VPS9D1: variants seen among roughly 807,000 people sequenced by gnomAD.
VPS9D1 encodes VPS9 domain-containing protein 1.
Under a neutral mutation model 75.8 loss-of-function variants are expected in VPS9D1, and 78 were observed. The observed-to-expected ratio is 1.03, with a 90% CI of 0.86 to 1.24. VPS9D1 has a LOEUF of 1.24. Ranked by LOEUF, VPS9D1 falls within the 50% of genes most tolerant of loss-of-function variation. The probability of loss-of-function intolerance (pLI) is 0.00; values close to 1 mark genes in which losing one functional copy is unlikely to be tolerated. For synonymous variants in VPS9D1, 481 were observed against 385.6 expected, an observed-to-expected ratio of 1.25 and a Z score of -2.90; for missense variants, 1,057 against 847.7, an observed-to-expected ratio of 1.25 and a Z score of -3.07.
At position 89,708,494 on chromosome 16, in the gene VPS9D1, C is replaced by G. The variant is rs551302012; in HGVS notation, c.1735G>C (p.Val579Leu). ...AGCTGAGGGAGGCCGCTCCTCAGCA[C>G]CACGAAGGACAGGATGGGCAGCAGG... ...DDLLPILSFV[V>L]LRSGLPQLVS... The change falls in exon 14 of 15, where the codon GTG (valine) becomes CTG (leucine). Residue 579 changes from valine to leucine, a missense_variant. By Grantham distance (32) the Val-to-Leu change is conservative. Coordinates refer to ENST00000389386, the MANE Select transcript of VPS9D1 (RefSeq NM_004913.3). 3.1e-6 allele frequency: 5 copies of G among 1,613,188 alleles called. No homozygotes were observed. In the Middle Eastern group the frequency reaches 8.3e-4, roughly 266 times the overall value.
At chr16:89,717,785 G>A (rs983643788) in intron 2 of VPS9D1, 13 of 456,556 alleles carry the variant, frequency 2.8e-5, no homozygotes, top group East Asian at 2.1e-4. Flanking sequence ...GAGCTCAGCC[G>A]AGCTCACCGG....
intron 4 of VPS9D1, among the ~76,000 whole-genome samples, chr16:89,716,082 T>C (rs1189754493): frequency 6.6e-6 from 1 of 151,666 alleles, no homozygotes; most frequent in Non-Finnish European, 1.5e-5. Flanking sequence ...CCCAGCACTG[T>C]GGGGGCCGGG....
Position 89,716,484 on chromosome 16 carries a change from C to A in VPS9D1, c.409G>T (p.Ala137Ser), listed in dbSNP as rs1244903210. The change falls in exon 4 of 15, where the codon GCA becomes TCA. Residue 137 changes from alanine (A) to serine (S), a missense_variant. Transcript: ENST00000389386. The stretch of plus-strand genomic sequence containing the variant: ...TACTTCTTACAGCTTTGTGACTCTG[C>A]CCCCTGAAGCTTCTGGAAGATCTCG... Reference protein sequence around the residue: ...PPEIFQKLQGAESQSCKKELT... With the variant: ...PPEIFQKLQGSESQSCKKELT... The A allele has an allele frequency of 8.7e-6, 14 of 1,614,044 alleles. No individual in the cohort carries two copies. Among genetic ancestry groups the A allele is most frequent in the Non-Finnish European group, 1.2e-5 (14 of 1,179,994 alleles).
At chr16:89,709,087 G>T (rs2151619546) in intron 12 of VPS9D1, 131 bp from the exon 13 acceptor site, 1 of 1,379,598 alleles carries the variant, frequency 7.2e-7, no homozygotes, top group Non-Finnish European at 9.9e-7. Flanking sequence ...TGGCGATGTT[G>T]CTCAGACACC....
chr16:89,717,596 AC>A (rs772273153), intron 2 of VPS9D1: 1 of 453,358 alleles, frequency 2.2e-6, no homozygotes, highest in South Asian at 1.6e-5. Flanking sequence ...CTTCTCATAG[AC>A]TCCCATTTTC....
intron 8 of VPS9D1, 196 bp from the exon 9 acceptor site, chr16:89,711,608 G>A: frequency 3.2e-6 from 2 of 628,618 alleles, no homozygotes; most frequent in African/African-American, 2.2e-5. Flanking sequence ...CCCTGGGCCT[G>A]CACCCTCGCT....
chr16:89,715,221 C>G (rs933011633), intron 4 of VPS9D1, among the ~76,000 whole-genome samples: 7 of 125,424 alleles, frequency 5.6e-5, no homozygotes, highest in African/African-American at 2.0e-4. Context: ...TTGTTCCCAG[C>G]TAAATTTTTT....
In VPS9D1 at chr16:89,716,536, T is replaced by C; in HGVS notation, c.357A>G (p.Gly119=). ...GRHRRVYSDE[G]GKLSPFLPPE... ...GTGGCAGAAAAGGAGAGAGCTTTCC[T>C]CCTTCATCGGAGTATACACGGCGGT... The change falls in exon 4 of 15, where the codon GGA becomes GGG. Residue 119 remains glycine, a synonymous_variant. Coordinates refer to ENST00000389386, the MANE Select transcript of VPS9D1 (RefSeq NM_004913.3). 6.2e-7 allele frequency: 1 copy of C among 1,614,108 alleles called. No individual in the cohort carries two copies. Among genetic ancestry groups the C allele is most frequent in the Non-Finnish European group, 8.5e-7 (1 of 1,180,022 alleles).
chr16:89,720,422 A>C, intron 1 of VPS9D1: 1 of 1,026,156 alleles, frequency 9.7e-7, no homozygotes, highest in Non-Finnish European at 1.2e-6. Flanking sequence ...TCTGCCCAGA[A>C]AAATGCACGA....
rs1446032588 is a variant in VPS9D1, at chr16:89,718,904, G to C, written c.175+123C>G. 3.5e-5 allele frequency: 27 copies of C among 774,082 alleles called. No homozygotes were observed. In the Admixed American group the frequency reaches 4.7e-4, roughly 14 times the overall value. 48.0% of individuals were successfully genotyped at this position (774,082 alleles called of 1,614,324 possible). On this transcript the variant is annotated intron_variant, in intron 2 of 14. Transcript: ENST00000389386. Reference sequence around the variant, plus strand: ...GATTTTTTAGATTTTTAGTAGAGACGGGGTTTCACCATGTTAGCCAGGATG... The same window carrying C: ...GATTTTTTAGATTTTTAGTAGAGACCGGGTTTCACCATGTTAGCCAGGATG...
At chr16:89,708,608 C>T in intron 13 of VPS9D1, 77 bp from the exon 14 acceptor site, 3 of 1,458,352 alleles carry the variant, frequency 2.1e-6, no homozygotes, top group South Asian at 1.2e-5. Flanking sequence ...GTGGAGCCAT[C>T]CTGGCCGTGC....
chr16:89,720,574 C>G, intron 1 of VPS9D1, 189 bp downstream of exon 1: 2 of 1,197,516 alleles, frequency 1.7e-6, no homozygotes, highest in Non-Finnish European at 2.1e-6. Flanking sequence ...AGGATCTGAG[C>G]TGTCCAAGGT....
At chr16:89,717,753 ACTC>A (rs1567552766) in intron 2 of VPS9D1, 2 of 455,226 alleles carry the variant, frequency 4.4e-6, no homozygotes, top group South Asian at 1.6e-5. Flanking sequence ...CCTCCACCCA[ACTC>A]CTCAATCTTG....
chr16:89,716,637 G>A lies in VPS9D1; in HGVS notation c.269-13C>T. The A allele has an allele frequency of 3.1e-6, 5 of 1,611,164 alleles. No homozygotes were observed. The highest frequency in any genetic ancestry group is 4.2e-6 in the Non-Finnish European group (5 of 1,177,860). Reference sequence around the variant, plus strand: ...AGGCGTGTTTTCCCTGCAAGCCATGGGTAACCAGGGGTCAAGCGGTGGGCC... The same window carrying A: ...AGGCGTGTTTTCCCTGCAAGCCATGAGTAACCAGGGGTCAAGCGGTGGGCC... On this transcript the variant is annotated splice_polypyrimidine_tract_variant and intron_variant, in intron 3 of 14. Transcript: ENST00000389386.
At position 89,716,721 on chromosome 16, in the gene VPS9D1, G is replaced by A. The variant is rs368388743; in HGVS notation, c.268+9C>T. The A allele has an allele frequency of 8.8e-5, 140 of 1,589,856 alleles. No individual in the cohort carries two copies. The Middle Eastern group carries it at 1.9e-3, about 21-fold the overall frequency. ...GCCCCAGGAGAGCCGCCTACTGCAG[G>A]AGACCCACCAAGCTTGGCGGCCGTC... On this transcript the variant is annotated intron_variant, in intron 3 of 14. Coordinates refer to ENST00000389386, the MANE Select transcript of VPS9D1 (RefSeq NM_004913.3).
rs1367747653 is a variant in VPS9D1, at chr16:89,720,872, G to T, written c.-11C>A. 3 of 1,359,092 alleles carry T rather than the reference G, an allele frequency of 2.2e-6. No individual in the cohort carries two copies. The highest frequency in any genetic ancestry group is 2.9e-6 in the Non-Finnish European group (3 of 1,052,446). 84.2% of individuals were successfully genotyped at this position (1,359,092 alleles called of 1,614,324 possible). On this transcript the variant is annotated 5_prime_UTR_variant, in exon 1 of 15. Transcript: ENST00000389386. Reference sequence around the variant, plus strand: ...GGCCGCAGCGGCCATGGCGCCGAGCGGGGGAGGCGGCGGCGGTAGCCGAGG... The same window carrying T: ...GGCCGCAGCGGCCATGGCGCCGAGCTGGGGAGGCGGCGGCGGTAGCCGAGG...
In VPS9D1 at chr16:89,712,446, G is replaced by A. The variant is rs1195538619; in HGVS notation, c.606+14C>T. 3.1e-6 allele frequency: 5 copies of A among 1,612,594 alleles called. No individual in the cohort carries two copies. In the South Asian group the frequency reaches 5.5e-5, roughly 18 times the overall value. On this transcript the variant is annotated intron_variant, in intron 6 of 14. Coordinates refer to ENST00000389386, the MANE Select transcript of VPS9D1 (RefSeq NM_004913.3). ...TTTCCCCTCGGGGACCACCAGGGCG[G>A]TCAGAAAGGCTGCTGTCTCCTCCCG...
In VPS9D1 at chr16:89,712,455, G is replaced by T; in HGVS notation, c.606+5C>A. 1 of 1,613,066 alleles carries T rather than the reference G, an allele frequency of 6.2e-7. No homozygotes were observed. The highest frequency in any genetic ancestry group is 8.5e-7 in the Non-Finnish European group (1 of 1,179,992). On this transcript the variant is annotated splice_donor_5th_base_variant and intron_variant, in intron 6 of 14. Transcript: ENST00000389386. ...GGGGACCACCAGGGCGGTCAGAAAG[G>T]CTGCTGTCTCCTCCCGGGCTTTGGC...
At chr16:89,713,253 CTTTTT>C (rs1048430100) in intron 4 of VPS9D1, among the ~76,000 whole-genome samples, 1 of 151,800 alleles carries the variant, frequency 6.6e-6, no homozygotes, top group Non-Finnish European at 1.5e-5. Flanking sequence ...TTTGGTTTTT[CTTTTT>C]TTCTTTTTTT....
Sources: allele counts gnomAD v4.1 joint callset (sites outside exome capture counted in the v4.1 genomes callset), GRCh38; gene constraint gnomAD v4.1.1; transcripts MANE v1.5; gene names NCBI Gene and HGNC (gene_info 2026-07-23, HGNC 2026-07-21).